The following PRDM6 variants were observed in gnomAD, a reference collection of about 807,000 sequenced individuals.
PRDM6 encodes PR/SET domain 6.
Under a neutral mutation model 60.8 loss-of-function variants are expected in PRDM6, and 25 were observed. The observed-to-expected ratio is 0.41, with a 90% CI of 0.30 to 0.57. The LOEUF is 0.57. Among genes scored for constraint, PRDM6 ranks in the 20% least tolerant of loss-of-function variants. The probability of loss-of-function intolerance (pLI) is 0.27; values close to 1 mark genes in which losing one functional copy is unlikely to be tolerated. For missense variants in PRDM6, 839 were observed against 821.3 expected, an observed-to-expected ratio of 1.02 and a Z score of -0.26; for synonymous variants, 407 against 357.4, an observed-to-expected ratio of 1.14 and a Z score of -1.57.
At position 123,192,319 on chromosome 5, in the gene PRDM6, G is replaced by GT. The variant is rs886200901; in HGVS notation, c.*5125dup. 1.3e-4 allele frequency: 20 copies of GT among 151,880 alleles called. No homozygotes were observed. The highest frequency in any genetic ancestry group is 3.9e-4 in the African/African-American group (16 of 41,338). The allele number at this position is 151,880 out of a possible 1,614,324, so 9.4% of individuals were successfully genotyped here. ...CAGTTTTAGCTTTGTAGCTTCTTTA[G>GT]TTTTTTTCCTCCTTCAAAGCCATAA... On this transcript the variant is annotated 3_prime_UTR_variant, in exon 8 of 8. Coordinates refer to ENST00000407847, the MANE Select transcript of PRDM6 (RefSeq NM_001136239.4).
At chr5:123,104,107 A>G (rs1348363082) in intron 3 of PRDM6, among the ~76,000 whole-genome samples, 4 of 152,124 alleles carry the variant, frequency 2.6e-5, no homozygotes, top group Non-Finnish European at 4.4e-5. Context: ...GTTTTGTGCC[A>G]TAATATTTTA....
intron 3 of PRDM6, among the ~76,000 whole-genome samples, chr5:123,142,877 C>CAAAAAAAAAAAAAA: frequency 7.7e-4 from 21 of 27,356 alleles, no homozygotes; most frequent in Non-Finnish European, 1.0e-3. Context: ...CAGTGAAGAC[C>CAAAAAAAAAAAAAA]AAAAAAAAAA....
At chr5:123,161,928 G>A (rs1765640927) in intron 5 of PRDM6, among the ~76,000 whole-genome samples, 1 of 152,230 alleles carries the variant, frequency 6.6e-6, no homozygotes, top group Admixed American at 6.5e-5. Flanking sequence ...AGAAATCCAG[G>A]GGAGAGATGA....
chr5:123,115,277 A>G (rs1186964542), intron 3 of PRDM6, among the ~76,000 whole-genome samples: 1 of 152,126 alleles, frequency 6.6e-6, no homozygotes, highest in Admixed American at 6.5e-5. Context: ...CCACTCCTAA[A>G]TGTGTTGCAT....
chr5:123,165,917 G>T (rs1157474906), intron 5 of PRDM6, among the ~76,000 whole-genome samples: 1 of 152,104 alleles, frequency 6.6e-6, no homozygotes, highest in Non-Finnish European at 1.5e-5. Flanking sequence ...TAAATCCCCA[G>T]TTCCTTAATA....
chr5:123,185,747 G>A (rs1364039948), intron 7 of PRDM6, among the ~76,000 whole-genome samples: 5 of 152,204 alleles, frequency 3.3e-5, no homozygotes, highest in Non-Finnish European at 5.9e-5. Context: ...TCAAAAACAT[G>A]CAAGAATTCC....
chr5:123,096,114 C>T (rs911226674), intron 2 of PRDM6, among the ~76,000 whole-genome samples: 2 of 186 alleles, frequency 0.011, no homozygotes, highest in Non-Finnish European at 0.04. Context: ...GGAGCATTGA[C>T]AGATTTACTC....
chr5:123,180,868 T>G (rs568651824), intron 7 of PRDM6, among the ~76,000 whole-genome samples: 6 of 152,236 alleles, frequency 3.9e-5, no homozygotes, highest in Non-Finnish European at 7.3e-5. Context: ...CTTTGGACTT[T>G]AGAATTACCA....
chr5:123,181,589 T>C (rs1248663365), intron 7 of PRDM6, among the ~76,000 whole-genome samples: 1 of 152,208 alleles, frequency 6.6e-6, no homozygotes, highest in African/African-American at 2.4e-5. Flanking sequence ...TTTGCTCTAC[T>C]GGCTTTTTCT....
chr5:123,184,583 T>A (rs1766241138), intron 7 of PRDM6, among the ~76,000 whole-genome samples: 1 of 152,186 alleles, frequency 6.6e-6, no homozygotes, highest in Admixed American at 6.5e-5. Flanking sequence ...GAGATGCCCC[T>A]GCCAGTCAGT....
chr5:123,128,832 G>T (rs558365781), intron 3 of PRDM6, among the ~76,000 whole-genome samples: 2 of 152,180 alleles, frequency 1.3e-5, no homozygotes, highest in Admixed American at 6.5e-5. Context: ...TAGTCATGAA[G>T]TCCTTGCCCA....
Position 123,099,702 on chromosome 5 carries a change from G to A in PRDM6, c.641G>A (p.Gly214Glu), listed in dbSNP as rs1380691798. 3.3e-6 allele frequency: 5 copies of A among 1,521,618 alleles called. No individual in the cohort carries two copies. Among genetic ancestry groups the A allele is most frequent in the Non-Finnish European group, 3.5e-6 (4 of 1,135,192 alleles). 94.3% of individuals were successfully genotyped at this position (1,521,618 alleles called of 1,614,324 possible). A position where few individuals can be genotyped will look rare whatever the true frequency, so the allele number is the denominator to read the frequency against. Residue 214 changes from glycine (G) to glutamate (E), a missense_variant, in exon 3 of 8, where the codon GGG (glycine) becomes GAG (glutamate). Transcript: ENST00000407847. This position sits in a 1 kb window ranked among gnomAD's most constrained non-coding sequence, Gnocchi z 4.0. ...CGCAACGGCGAGTGCCCTATGCATGGGCCACTGCACTCGCTGCGCCGGCTT... is the reference window on the plus strand; with the variant it reads ...CGCAACGGCGAGTGCCCTATGCATGAGCCACTGCACTCGCTGCGCCGGCTT... The part of the protein sequence containing the change: ...DNRNGECPMH[G>E]PLHSLRRLVG...
Position 123,159,504 on chromosome 5 carries a change from T to C in PRDM6, c.1029-10T>C. On this transcript the variant is annotated splice_polypyrimidine_tract_variant and intron_variant, in intron 4 of 7. Transcript: ENST00000407847. ...TATTACTAAGCTGGGTTTTCTTTTG[T>C]TTTGAATAGGTCGAATATATTCTAC... The C allele has an allele frequency of 6.5e-7, 1 of 1,550,198 alleles. No individual in the cohort carries two copies. The highest frequency in any genetic ancestry group is 1.2e-5 in the South Asian group (1 of 83,720).
In PRDM6 at chr5:123,186,671, G is replaced by T. The variant is rs545796848; in HGVS notation, c.1674-416G>T. ...CTCTTTGGCTGCTGTTCTGAAGGGA[G>T]TAGAATTCCCAATTGTAAATTAGCA... On this transcript the variant is annotated intron_variant, in intron 7 of 7. Transcript: ENST00000407847. Among the ~76,000 whole-genome samples the T allele has an allele frequency of 1.5e-3, 227 of 152,338 alleles. 2 individuals carry two copies. Among genetic ancestry groups the T allele is most frequent in the African/African-American group, 5.4e-3 (223 of 41,578 alleles).
intron 4 of PRDM6, 85 bp from the exon 5 acceptor site, chr5:123,159,428 AG>A: frequency 6.8e-7 from 1 of 1,463,628 alleles, no homozygotes; most frequent in Non-Finnish European, 9.2e-7. Flanking sequence ...GGAGCTGCGT[AG>A]AACTTTTTCA....
Position 123,118,843 on chromosome 5 carries a change from G to A in PRDM6, c.900+18882G>A, listed in dbSNP as rs947735763. Among the ~76,000 whole-genome samples the A allele has an allele frequency of 2.6e-5, 4 of 152,264 alleles. No homozygotes were observed. In the South Asian group the frequency reaches 6.2e-4, roughly 24 times the overall value. On this transcript the variant is annotated intron_variant, in intron 3 of 7. Coordinates refer to ENST00000407847, the MANE Select transcript of PRDM6 (RefSeq NM_001136239.4). ...TTTCTTTCCTTTTCTGATGGTGATT[G>A]TGGTAACATCACGCACAGGCACAGG...
At chr5:123,109,723 C>T (rs553850646) in intron 3 of PRDM6, among the ~76,000 whole-genome samples, 13 of 152,268 alleles carry the variant, frequency 8.5e-5, no homozygotes, top group African/African-American at 3.1e-4. Context: ...AATGTTGGCA[C>T]ATTTATATTT....
At chr5:123,119,698 G>A (rs1473405046) in intron 3 of PRDM6, among the ~76,000 whole-genome samples, 2 of 152,178 alleles carry the variant, frequency 1.3e-5, no homozygotes, top group African/African-American at 4.8e-5. Flanking sequence ...TTCCTTCTCT[G>A]ATAATCTATA....
chr5:123,090,229 G>GGCCCGCCTCTCTCTC lies in PRDM6; in HGVS notation c.216_230dup (p.Pro73_Ser77dup). 6 of 1,473,790 alleles carry GGCCCGCCTCTCTCTC rather than the reference G, an allele frequency of 4.1e-6. No individual in the cohort carries two copies. Among genetic ancestry groups the GGCCCGCCTCTCTCTC allele is most frequent in the Non-Finnish European group, 4.5e-6 (5 of 1,113,428 alleles). 91.3% of individuals were successfully genotyped at this position (1,473,790 alleles called of 1,614,324 possible). ...CCTCCGCCGGACAGCCTGCGCCCGC[G>GGCCCGCCTCTCTCTC]GCCCGCCTCTCTCTCCTCCGCCTCG... On this transcript the variant is annotated inframe_insertion, in exon 2 of 8. Coordinates refer to ENST00000407847, the MANE Select transcript of PRDM6 (RefSeq NM_001136239.4).
Sources: gnomAD v4.1 joint callset for allele counts (sites outside exome capture counted in the v4.1 genomes callset) on GRCh38, gnomAD v4.1.1 for gene constraint, Gnocchi (gnomAD v3.1) non-coding constraint, MANE v1.5 for transcripts, NCBI Gene and HGNC (gene_info 2026-07-23, HGNC 2026-07-21) for gene names.